Variants in PRDM16 observed in about 807,000 individuals in gnomAD.
The protein encoded by PRDM16 is PR/SET domain 16.
In PRDM16, 23 loss-of-function variants were observed where a neutral mutation model predicts 110.6. That is an observed-to-expected ratio of 0.21 (90% CI 0.15 to 0.29). PRDM16 has a LOEUF of 0.29. Among genes scored for constraint, PRDM16 ranks in the 10% least tolerant of loss-of-function variants. The probability of loss-of-function intolerance (pLI) is 1.00; values close to 1 mark genes in which losing one functional copy is unlikely to be tolerated. For synonymous variants in PRDM16, 799 were observed against 781.8 expected (o/e 1.02, Z -0.37); for missense variants, 1,615 against 1,794.3 (o/e 0.90, Z 1.81).
At chr1:3,322,546 C>T (rs4648474) in intron 3 of PRDM16, among the ~76,000 whole-genome samples, 13 of 151,932 alleles carry the variant, frequency 8.6e-5, no homozygotes, top group Admixed American at 3.3e-4. Context: ...AGGCCAGTGG[C>T]GGAGAGGCCA....
chr1:3,318,019 G>A (rs1359137808), intron 3 of PRDM16, among the ~76,000 whole-genome samples: 1 of 152,206 alleles, frequency 6.6e-6, no homozygotes, highest in Non-Finnish European at 1.5e-5. Context: ...ATGAAAGGAA[G>A]CCACCCACGG....
intron 2 of PRDM16, among the ~76,000 whole-genome samples, chr1:3,224,202 G>A (rs1386457400): frequency 2.0e-5 from 3 of 152,174 alleles, no homozygotes. Context: ...TACCAAATCT[G>A]CCAGGGAACA....
At position 3,116,253 on chromosome 1, in the gene PRDM16, C is replaced by T. The variant is rs576601962; in HGVS notation, c.37+46957C>T. Among the ~76,000 whole-genome samples, 7 of 152,142 alleles carry T rather than the reference C, an allele frequency of 4.6e-5. 1 individual carries two copies. Among genetic ancestry groups the T allele is most frequent in the South Asian group, 4.1e-4 (2 of 4,826 alleles). On this transcript the variant is annotated intron_variant, in intron 1 of 16. Transcript: ENST00000270722. Reference sequence around the variant, plus strand: ...TGGCACCCGTGTCTCTGCAGTGTGTCCCTCTCATGGGGGGACAGTAGGCAG... The same window carrying T: ...TGGCACCCGTGTCTCTGCAGTGTGTTCCTCTCATGGGGGGACAGTAGGCAG...
intron 3 of PRDM16, among the ~76,000 whole-genome samples, chr1:3,340,061 G>A (rs1642241458): frequency 1.3e-5 from 2 of 152,324 alleles, no homozygotes; most frequent in South Asian, 2.1e-4. Context: ...CGGATTCGCT[G>A]CCCAGGTTTG....
At chr1:3,383,338 A>AATCT (rs1193177593) in intron 3 of PRDM16, among the ~76,000 whole-genome samples, 2 of 152,120 alleles carry the variant, frequency 1.3e-5, no homozygotes, top group Non-Finnish European at 2.9e-5. Flanking sequence ...CCTGCACCCC[A>AATCT]ATCTATCTCA....
At chr1:3,427,399 G>C (rs1308569674) in intron 14 of PRDM16, among the ~76,000 whole-genome samples, 1 of 152,198 alleles carries the variant, frequency 6.6e-6, no homozygotes, top group Non-Finnish European at 1.5e-5. Flanking sequence ...CCTAGAGCCA[G>C]ATCCCAAGCT....
chr1:3,073,629 C>A (rs1488591594), intron 1 of PRDM16, among the ~76,000 whole-genome samples: 4 of 152,072 alleles, frequency 2.6e-5, no homozygotes, highest in Admixed American at 6.5e-5. Context: ...ATCGAGCCAC[C>A]GAGGGCTGCA....
Position 3,270,901 on chromosome 1 carries a change from G to A in PRDM16, c.438+26764G>A, listed in dbSNP as rs552312773. ...CAGGAGGAGGACCGTTGGGAGGAGG[G>A]CAGTACAGAGGAGGACAGTGGGGGA... On this transcript the variant is annotated intron_variant, in intron 3 of 16. Coordinates refer to ENST00000270722, the MANE Select transcript of PRDM16 (RefSeq NM_022114.4). Among the ~76,000 whole-genome samples the A allele has an allele frequency of 1.1e-3, 173 of 151,702 alleles. 1 individual carries two copies. Among genetic ancestry groups the A allele is most frequent in the African/African-American group, 4.1e-3 (171 of 41,336 alleles).
chr1:3,129,313 GGT>G (rs113564403), intron 1 of PRDM16, among the ~76,000 whole-genome samples: 281 of 65,832 alleles, frequency 4.3e-3, no homozygotes, highest in African/African-American at 0.018. Flanking sequence ...TGTCCTGCCT[GGT>G]GTGTGTGTGG....
chr1:3,284,114 C>T lies in PRDM16; in HGVS notation c.438+39977C>T, dbSNP rs1002343030. Among the ~76,000 whole-genome samples the T allele has an allele frequency of 7.2e-5, 11 of 152,334 alleles. No individual in the cohort carries two copies. In the East Asian group the frequency reaches 7.7e-4, roughly 11 times the overall value. On this transcript the variant is annotated intron_variant, in intron 3 of 16. Coordinates refer to ENST00000270722, the MANE Select transcript of PRDM16 (RefSeq NM_022114.4). ...GGGGCAGGGGCTGCTGCCCGCCACCCGCCACCCGTAGCCCGCCCGGGAAGC... is the reference window on the plus strand; with the variant it reads ...GGGGCAGGGGCTGCTGCCCGCCACCTGCCACCCGTAGCCCGCCCGGGAAGC...
chr1:3,074,746 G>A (rs1019938056), intron 1 of PRDM16, among the ~76,000 whole-genome samples: 12 of 152,200 alleles, frequency 7.9e-5, no homozygotes, highest in Non-Finnish European at 1.5e-4. Context: ...GGGAGGTGTA[G>A]GACCTGCCCT....
At chr1:3,118,104 TG>T (rs1643007411) in intron 1 of PRDM16, among the ~76,000 whole-genome samples, 1 of 148,340 alleles carries the variant, frequency 6.7e-6, no homozygotes, top group Admixed American at 6.8e-5. Context: ...TGTACATGCA[TG>T]TGTGTGTGCG....
intron 3 of PRDM16, among the ~76,000 whole-genome samples, chr1:3,289,655 G>C (rs1640928888): frequency 6.6e-6 from 1 of 152,196 alleles, no homozygotes; most frequent in Admixed American, 6.5e-5. Flanking sequence ...CAGAGCTGCT[G>C]GCAGAAGCGA....
At chr1:3,085,543 C>G (rs997369374) in intron 1 of PRDM16, among the ~76,000 whole-genome samples, 14 of 152,230 alleles carry the variant, frequency 9.2e-5, no homozygotes, top group Non-Finnish European at 2.1e-4. Context: ...ACCCACTGTT[C>G]AAAAGCTGAG....
chr1:3,074,114 C>G (rs1394965137), intron 1 of PRDM16, among the ~76,000 whole-genome samples: 1 of 152,184 alleles, frequency 6.6e-6, no homozygotes, highest in Non-Finnish European at 1.5e-5. Flanking sequence ...CAGTCTGATC[C>G]GCAGCCCCGG....
rs1638823372 is a variant in PRDM16, at chr1:3,209,240, G to C, written c.387+22766G>C. Among the ~76,000 whole-genome samples the C allele has an allele frequency of 6.6e-6, 1 of 152,208 alleles. No individual in the cohort carries two copies. The highest frequency in any genetic ancestry group is 2.4e-5 in the African/African-American group (1 of 41,446). On this transcript the variant is annotated intron_variant, in intron 2 of 16. Coordinates refer to ENST00000270722, the MANE Select transcript of PRDM16 (RefSeq NM_022114.4). The surrounding 1 kb of genome is among the most constrained non-coding windows in gnomAD (Gnocchi z 4.6). The stretch of plus-strand genomic sequence containing the variant: ...TGACTGAGTGGAAAAGCAACAAGAA[G>C]AGAAGGACAGGAAATAAATCTCAGA...
rs946723351 is a variant in PRDM16 at position 3,387,030 on chromosome 1, G to A, written c.573+1744G>A. On this transcript the variant is annotated intron_variant, in intron 4 of 16. Transcript: ENST00000270722. ...ATCTTCATTGTATTATTAATATTTC[G>A]GGGAAGCTTTCCTTTTAGCTACACA... 23 of 152,140 alleles carry A rather than the reference G, an allele frequency of 1.5e-4. 1 individual carries two copies. The highest frequency in any genetic ancestry group is 1.0e-3 in the Admixed American group (16 of 15,292). The allele number at this position is 152,140 out of a possible 1,614,324, so 9.4% of individuals were successfully genotyped here. A position where few individuals can be genotyped will look rare whatever the true frequency, so the allele number is the denominator to read the frequency against.
At chr1:3,410,977 C>T (rs1000055815) in intron 8 of PRDM16, among the ~76,000 whole-genome samples, 3 of 152,198 alleles carry the variant, frequency 2.0e-5, no homozygotes, top group African/African-American at 4.8e-5. Flanking sequence ...GGTGGCGGCA[C>T]AGCAGGAACT....
At chr1:3,112,918 G>A (rs1429464785) in intron 1 of PRDM16, among the ~76,000 whole-genome samples, 2 of 152,270 alleles carry the variant, frequency 1.3e-5, no homozygotes, top group East Asian at 1.9e-4. Flanking sequence ...GGGAGAGCCT[G>A]TGGGAACTCA....
Sources: allele counts gnomAD v4.1 joint callset (sites outside exome capture counted in the v4.1 genomes callset), GRCh38; gene constraint gnomAD v4.1.1; non-coding constraint Gnocchi (gnomAD v3.1); transcripts MANE v1.5; gene names NCBI Gene and HGNC (gene_info 2026-07-23, HGNC 2026-07-21).